The following PSMD14 variants were observed in gnomAD, a reference collection of about 807,000 sequenced individuals.
PSMD14 encodes ubiquitin C-terminal hydrolase PSMD14.
A neutral mutation model predicts 41.2 loss-of-function variants in PSMD14; 7 were observed. That is an observed-to-expected ratio of 0.17 (90% CI 0.10 to 0.32). The LOEUF (loss-of-function observed/expected upper bound fraction) is 0.32. PSMD14 is among the 10% of genes least tolerant of loss of function. PSMD14 has a pLI of 1.00. For synonymous variants in PSMD14, 114 were observed against 122.3 expected (o/e 0.93, Z 0.45); for missense variants, 139 against 375.6 (o/e 0.37, Z 5.21).
intron 3 of PSMD14, among the ~76,000 whole-genome samples, chr2:161,330,219 TAATGA>T (rs1682765998): frequency 6.6e-6 from 1 of 152,194 alleles, no homozygotes; most frequent in African/African-American, 2.4e-5. Flanking sequence ...TTGTGAAAAG[TAATGA>T]AATGTTTAAA....
intron 3 of PSMD14, among the ~76,000 whole-genome samples, chr2:161,322,512 C>T (rs1264129498): frequency 6.6e-6 from 1 of 152,152 alleles, no homozygotes; most frequent in African/African-American, 2.4e-5. Context: ...GCCTCAGCCT[C>T]GCAAGTAGCT....
chr2:161,342,587 C>T (rs565596927), intron 3 of PSMD14, among the ~76,000 whole-genome samples: 63 of 151,322 alleles, frequency 4.2e-4, no homozygotes, highest in African/African-American at 1.5e-3. Flanking sequence ...TTGTAGGCAG[C>T]GTGTAGTTAG....
chr2:161,335,487 G>A (rs1465162211), intron 3 of PSMD14, among the ~76,000 whole-genome samples: 1 of 152,246 alleles, frequency 6.6e-6, no homozygotes, highest in Non-Finnish European at 1.5e-5. Context: ...ATATTGGACA[G>A]TGCAGTGTAC....
At chr2:161,327,983 T>TGTGTGTGA (rs1425339320) in intron 3 of PSMD14, among the ~76,000 whole-genome samples, 32 of 149,104 alleles carry the variant, frequency 2.1e-4, no homozygotes, top group Middle Eastern at 3.5e-3. Flanking sequence ...TGTGTGTGTG[T>TGTGTGTGA]GAGATGTTGG....
chr2:161,347,410 C>T (rs957374759), intron 3 of PSMD14, among the ~76,000 whole-genome samples: 1 of 152,094 alleles, frequency 6.6e-6, no homozygotes. Context: ...TCCTGAGTAC[C>T]TGGGACTACA....
intron 3 of PSMD14, among the ~76,000 whole-genome samples, chr2:161,360,012 G>C (rs933335229): frequency 6.6e-6 from 1 of 152,004 alleles, no homozygotes; most frequent in African/African-American, 2.4e-5. Flanking sequence ...TGTAGTATGG[G>C]ATTGGTATCT....
Position 161,362,452 on chromosome 2 carries a change from T to C in PSMD14, c.49-5026T>C, listed in dbSNP as rs1387387530. 4.6e-5 allele frequency among the ~76,000 whole-genome samples: 7 copies of C among 152,354 alleles called. No individual in the cohort carries two copies. In the East Asian group the frequency reaches 1.3e-3, roughly 29 times the overall value. On this transcript the variant is annotated intron_variant, in intron 3 of 11. Coordinates refer to ENST00000409682, the MANE Select transcript of PSMD14 (RefSeq NM_005805.6). ...AGTGGTTGTAACAGATTTCTTTATA[T>C]GACGACTCTTCCATTTTTTAGCTTT...
chr2:161,367,861 C>T lies in PSMD14; in HGVS notation c.198C>T (p.Thr66=), dbSNP rs1476293139. The T allele has an allele frequency of 1.1e-5, 18 of 1,613,252 alleles. No homozygotes were observed. Among genetic ancestry groups the T allele is most frequent in the South Asian group, 4.4e-5 (4 of 91,030 alleles). ...TTGGAGAATTTGTTGATGATTATAC[C>T]GTCAGAGTGATTGATGTGTTTGCTA... ...LMLGEFVDDY[T]VRVIDVFAMP... The change falls in exon 5 of 12, where the codon ACC becomes ACT. Residue 66 remains threonine (T), a synonymous_variant. Transcript: ENST00000409682.
At chr2:161,318,487 C>G (rs774881699) in intron 2 of PSMD14, among the ~76,000 whole-genome samples, 20 of 152,100 alleles carry the variant, frequency 1.3e-4, no homozygotes, top group Non-Finnish European at 2.1e-4. Context: ...ATAAGCATTT[C>G]AGGCACTTTT....
At chr2:161,392,825 G>A (rs1484293963) in intron 9 of PSMD14, among the ~76,000 whole-genome samples, 1 of 152,080 alleles carries the variant, frequency 6.6e-6, no homozygotes, top group Non-Finnish European at 1.5e-5. Context: ...GTGAAAAATG[G>A]CACCATTCAG....
chr2:161,337,115 C>T lies in PSMD14; in HGVS notation c.48+18242C>T, dbSNP rs530258011. Among the ~76,000 whole-genome samples, 8 of 152,236 alleles carry T rather than the reference C, an allele frequency of 5.3e-5. No homozygotes were observed. In the East Asian group the frequency reaches 1.4e-3, roughly 26 times the overall value. ...TGATTAAGAATCAATTTCAGGAATG[C>T]TCTGTATCTGTATGAGCAAGAGGGA... On this transcript the variant is annotated intron_variant, in intron 3 of 11. Coordinates refer to ENST00000409682, the MANE Select transcript of PSMD14 (RefSeq NM_005805.6).
At chr2:161,399,427 T>C (rs1683846124) in intron 10 of PSMD14, among the ~76,000 whole-genome samples, 1 of 152,102 alleles carries the variant, frequency 6.6e-6, no homozygotes, top group Non-Finnish European at 1.5e-5. Flanking sequence ...ATTCAGAGAA[T>C]TCCTATAAAA....
At chr2:161,360,649 C>G (rs916587045) in intron 3 of PSMD14, among the ~76,000 whole-genome samples, 1 of 152,138 alleles carries the variant, frequency 6.6e-6, no homozygotes, top group Non-Finnish European at 1.5e-5. Context: ...GCTACTGTGC[C>G]CAGCCCTATT....
Position 161,410,816 on chromosome 2 carries a change from G to T in PSMD14, c.835-486G>T, listed in dbSNP as rs1684013488. Among the ~76,000 whole-genome samples, 3 of 151,972 alleles carry T rather than the reference G, an allele frequency of 2.0e-5. 1 individual carries two copies. The East Asian group carries it at 5.8e-4, about 29-fold the overall frequency. On this transcript the variant is annotated intron_variant, in intron 11 of 11. Coordinates refer to ENST00000409682, the MANE Select transcript of PSMD14 (RefSeq NM_005805.6). ...GCACTACTCTTGAAATATTAAAATT[G>T]TACAGAATTCTGATTTTTGCTATTA...
chr2:161,310,014 A>C (rs1414959089), intron 1 of PSMD14, among the ~76,000 whole-genome samples: 1 of 152,154 alleles, frequency 6.6e-6, no homozygotes, highest in East Asian at 1.9e-4. Flanking sequence ...TAAAAAAATC[A>C]GCCGGGCATG....
chr2:161,385,419 A>G, intron 7 of PSMD14, 45 bp from the exon 8 acceptor site: 1 of 1,157,752 alleles, frequency 8.6e-7, no homozygotes, highest in Non-Finnish European at 1.3e-6. Context: ...TGGCATTATC[A>G]CTTGCTTTTT....
chr2:161,385,399 C>T (rs1683621121), intron 7 of PSMD14, 65 bp from the exon 8 acceptor site: 1 of 806,250 alleles, frequency 1.2e-6, no homozygotes, highest in South Asian at 1.7e-5. Flanking sequence ...ATGCCTTGTC[C>T]ACTGTTGCTT....
At chr2:161,340,897 T>C in intron 3 of PSMD14, 1 of 1,613,900 alleles carries the variant, frequency 6.2e-7, no homozygotes, top group Non-Finnish European at 8.5e-7. Flanking sequence ...TTCCCGGGGC[T>C]GTATTTGAAG....
chr2:161,347,722 A>G (rs1363611544), intron 3 of PSMD14, among the ~76,000 whole-genome samples: 1 of 152,242 alleles, frequency 6.6e-6, no homozygotes, highest in Non-Finnish European at 1.5e-5. Flanking sequence ...TAAAGGGACG[A>G]TTGATTCATT....
Sources: allele counts gnomAD v4.1 joint callset (sites outside exome capture counted in the v4.1 genomes callset), GRCh38; gene constraint gnomAD v4.1.1; transcripts MANE v1.5; gene names NCBI Gene and HGNC (gene_info 2026-07-23, HGNC 2026-07-21).